VWA3B: variants seen among roughly 807,000 people sequenced by gnomAD.
VWA3B encodes von Willebrand factor A domain-containing protein 3B.
A neutral mutation model predicts 158.3 loss-of-function variants in VWA3B; 138 were observed. The ratio of observed to expected loss-of-function variants is 0.87; its 90% CI spans 0.76 to 1.00. The LOEUF is 1.00. Among genes scored for constraint, VWA3B ranks in the 50% least tolerant of loss-of-function variants. VWA3B has a pLI of 0.00. For missense variants in VWA3B, 1,555 were observed against 1,565.1 expected (o/e 0.99, Z 0.11); for synonymous variants, 596 against 587.3 (o/e 1.01, Z -0.21).
At chr2:98,259,079 C>G (rs948493807) in intron 21 of VWA3B, among the ~76,000 whole-genome samples, 1 of 151,654 alleles carries the variant, frequency 6.6e-6, no homozygotes, top group Admixed American at 6.6e-5. Context: ...ATGTGATTTT[C>G]TTGGGTTGAA....
chr2:98,234,226 G>C (rs1574154193), intron 16 of VWA3B, among the ~76,000 whole-genome samples: 1 of 152,244 alleles, frequency 6.6e-6, no homozygotes, highest in South Asian at 2.1e-4. Flanking sequence ...ATTTCCAGCT[G>C]GTGGCAGAAG....
chr2:98,139,358 C>T (rs897380856), intron 7 of VWA3B, among the ~76,000 whole-genome samples: 7 of 152,246 alleles, frequency 4.6e-5, no homozygotes, highest in Admixed American at 3.3e-4. Context: ...TGCCCAGTCC[C>T]ATCGACCACC....
intron 7 of VWA3B, among the ~76,000 whole-genome samples, chr2:98,143,265 C>G (rs1413831104): frequency 1.3e-5 from 2 of 152,312 alleles, no homozygotes; most frequent in African/African-American, 4.8e-5. Flanking sequence ...TCATGAACTC[C>G]TGACCTCAAG....
rs150268830 is a variant in VWA3B, at chr2:98,111,356, C to T, written c.197-4296C>T. Among the ~76,000 whole-genome samples the T allele has an allele frequency of 9.9e-3, 1,508 of 152,178 alleles. 112 individuals are homozygous for T. The highest frequency in any genetic ancestry group is 0.086 in the Admixed American group (1,321 of 15,272). On this transcript the variant is annotated intron_variant, in intron 2 of 27. Transcript: ENST00000477737. ...ATATATAAACCACATTTTAAAAATA[C>T]TACAGCAAACATATAAGGGCAGGTG...
rs1164645520 is a variant in VWA3B, at chr2:98,087,174, C to A, written c.-222C>A. 1 of 152,234 alleles carries A rather than the reference C, an allele frequency of 6.6e-6. No individual in the cohort carries two copies. The highest frequency in any genetic ancestry group is 6.5e-5 in the Admixed American group (1 of 15,288). 9.4% of individuals were successfully genotyped at this position (152,234 alleles called of 1,614,324 possible). On this transcript the variant is annotated 5_prime_UTR_variant, in exon 1 of 28. Transcript: ENST00000477737. ...CAGACCGCGCTCGGAACCAGAGGCGCGGGTCACAGAGACCTAGAACAGCTG... is the reference window on the plus strand; with the variant it reads ...CAGACCGCGCTCGGAACCAGAGGCGAGGGTCACAGAGACCTAGAACAGCTG...
At chr2:98,268,350 G>A (rs1222466039) in intron 21 of VWA3B, among the ~76,000 whole-genome samples, 1 of 152,092 alleles carries the variant, frequency 6.6e-6, no homozygotes, top group Non-Finnish European at 1.5e-5. Context: ...CCATGATCAA[G>A]TGGGCTTCAA....
intron 10 of VWA3B, among the ~76,000 whole-genome samples, chr2:98,191,565 G>T (rs1168533520): frequency 6.6e-6 from 1 of 152,150 alleles, no homozygotes; most frequent in Non-Finnish European, 1.5e-5. Flanking sequence ...GGGCTAATTT[G>T]GTCCTGCTAC....
chr2:98,091,848 G>A (rs1167003834), intron 1 of VWA3B, among the ~76,000 whole-genome samples: 1 of 152,168 alleles, frequency 6.6e-6, no homozygotes, highest in Non-Finnish European at 1.5e-5. Context: ...TGTGAATTCT[G>A]GATACAGAAG....
chr2:98,090,112 G>A (rs991012625), intron 1 of VWA3B, among the ~76,000 whole-genome samples: 2 of 152,094 alleles, frequency 1.3e-5, no homozygotes, highest in Middle Eastern at 3.2e-3. Flanking sequence ...AAAATTAATT[G>A]GAAATGATGA....
At chr2:98,242,096 G>T (rs1421320006) in intron 19 of VWA3B, among the ~76,000 whole-genome samples, 1 of 152,152 alleles carries the variant, frequency 6.6e-6, no homozygotes, top group Admixed American at 6.5e-5. Context: ...ACTTCACTGA[G>T]AATCTTAATT....
At chr2:98,154,152 G>T (rs941327872) in intron 7 of VWA3B, among the ~76,000 whole-genome samples, 38 of 152,262 alleles carry the variant, frequency 2.5e-4, no homozygotes, top group African/African-American at 8.4e-4. Context: ...GTGAGCCACC[G>T]CGCCCAGCAG....
rs147092983 is a variant in VWA3B, at chr2:98,246,030, C to A, written c.2674-4288C>A. 2.2e-4 allele frequency among the ~76,000 whole-genome samples: 34 copies of A among 152,192 alleles called. 3 individuals carry two copies. The East Asian group carries it at 3.1e-3, about 14-fold the overall frequency. ...AAGATTGGACTGTTCAGTTTCTTAA[C>A]TTTCTTTCTCTTCAGTTTTCTAAAT... On this transcript the variant is annotated intron_variant, in intron 19 of 27. Transcript: ENST00000477737.
intron 8 of VWA3B, among the ~76,000 whole-genome samples, chr2:98,167,004 G>A (rs774870823): frequency 1.7e-4 from 26 of 152,174 alleles, no homozygotes; most frequent in African/African-American, 5.1e-4. Context: ...CATTCCCACC[G>A]CAGCCCAGAG....
At chr2:98,206,798 A>T (rs1010387) in intron 12 of VWA3B, 54,044 of 371,112 alleles carry the variant, frequency 0.15, 5,507 homozygotes, top group Non-Finnish European at 0.2. Context: ...CCCATCATGG[A>T]GTTAATCAAT....
chr2:98,189,135 G>T (rs112370469), intron 10 of VWA3B, among the ~76,000 whole-genome samples: 4,946 of 152,210 alleles, frequency 0.032, 261 homozygotes, highest in African/African-American at 0.11. Flanking sequence ...TAGGCTGGGC[G>T]CAGTGATTCA....
rs769708577 is a variant in VWA3B, at chr2:98,255,182, A to AT, written c.2793-913dup. ...TCGCCCGCCACCACGCCCGGCTGAT[A>AT]TTTTTTTTTTTTTTTTTTTTTTTTT... is the stretch of plus-strand genomic sequence containing the variant. On this transcript the variant is annotated intron_variant, in intron 20 of 27. Transcript: ENST00000477737. Among the ~76,000 whole-genome samples, 459 of 52,140 alleles carry AT rather than the reference A, an allele frequency of 8.8e-3. 97 individuals carry two copies. The highest frequency in any genetic ancestry group is 0.018 in the African/African-American group (257 of 14,092). 34.2% of individuals were successfully genotyped at this position (52,140 alleles called of 152,430 possible). A position where few individuals can be genotyped will look rare whatever the true frequency, so the allele number is the denominator to read the frequency against.
At chr2:98,283,427 G>T (rs143560009) in intron 22 of VWA3B, among the ~76,000 whole-genome samples, 279 of 152,320 alleles carry the variant, frequency 1.8e-3, no homozygotes, top group African/African-American at 6.6e-3. Context: ...TTCCGTAAAG[G>T]CTTTAAACTT....
intron 9 of VWA3B, among the ~76,000 whole-genome samples, chr2:98,182,212 G>T (rs567780792): frequency 1.2e-4 from 18 of 152,316 alleles, no homozygotes; most frequent in African/African-American, 3.8e-4. Context: ...GTCACCTCAT[G>T]TATTCTTGAA....
At chr2:98,265,152 C>G (rs1351999848) in intron 21 of VWA3B, among the ~76,000 whole-genome samples, 2 of 151,190 alleles carry the variant, frequency 1.3e-5, no homozygotes, top group East Asian at 3.9e-4. Context: ...ACTAACTCAT[C>G]ATCTAGCATT....
Sources: allele counts gnomAD v4.1 joint callset (sites outside exome capture counted in the v4.1 genomes callset), GRCh38; gene constraint gnomAD v4.1.1; transcripts MANE v1.5; gene names NCBI Gene and HGNC (gene_info 2026-07-23, HGNC 2026-07-21).